COL8A2: variants seen among roughly 807,000 people sequenced by gnomAD.
COL8A2 encodes collagen alpha-2(VIII) chain.
A neutral mutation model predicts 24.0 loss-of-function variants in COL8A2; 16 were observed. The observed-to-expected ratio is 0.67, with a 90% CI of 0.45 to 1.01. COL8A2 has a LOEUF of 1.01. Among genes scored for constraint, COL8A2 ranks in the 50% least tolerant of loss-of-function variants. The pLI is 0.00. For missense variants in COL8A2, 818 were observed against 942.4 expected, an observed-to-expected ratio of 0.87 and a Z score of 1.73; for synonymous variants, 466 against 424.5, an observed-to-expected ratio of 1.10 and a Z score of -1.20.
chr1:36,120,476 A>C (rs6677708), intron 1 of COL8A2, among the ~76,000 whole-genome samples: 95,618 of 151,540 alleles, frequency 0.63, 33,235 homozygotes, highest in Non-Finnish European at 0.79. Flanking sequence ...GAGGACGGGC[A>C]CAATGGCTCA....
intron 2 of COL8A2, 62 bp from the exon 3 acceptor site, chr1:36,100,320 G>C: frequency 7.1e-7 from 1 of 1,408,936 alleles, no homozygotes; most frequent in Non-Finnish European, 9.7e-7. Flanking sequence ...CTAGGCCCGG[G>C]GTCACCAAAA....
Position 36,097,523 on chromosome 1 carries a change from A to G in COL8A2, c.*46T>C, listed in dbSNP as rs756012670. The G allele has an allele frequency of 9.1e-6, 13 of 1,433,646 alleles. No homozygotes were observed. Among genetic ancestry groups the G allele is most frequent in the Admixed American group, 6.0e-5 (3 of 50,350 alleles). The allele number at this position is 1,433,646 out of a possible 1,614,324, so 88.8% of individuals were successfully genotyped here. A position where few individuals can be genotyped will look rare whatever the true frequency, so the allele number is the denominator to read the frequency against. ...TCTTTGTAATTGAAAAGGTCGCTCT[A>G]CCACTAAAGGGGAGGAGGCCAGGGC... On this transcript the variant is annotated 3_prime_UTR_variant, in exon 4 of 4. Coordinates refer to ENST00000397799, the MANE Select transcript of COL8A2 (RefSeq NM_005202.4).
intron 2 of COL8A2, among the ~76,000 whole-genome samples, chr1:36,100,996 C>G (rs1295145043): frequency 7.0e-6 from 1 of 142,520 alleles, no homozygotes; most frequent in Admixed American, 7.8e-5. Context: ...CGGGTTCAAG[C>G]GATTCTCGTG....
Position 36,098,463 on chromosome 1 carries a change from C to T in COL8A2, c.1218G>A (p.Gly406=). Residue 406 remains glycine (G), a synonymous_variant, in exon 4 of 4, where the codon GGG becomes GGA. Coordinates refer to ENST00000397799, the MANE Select transcript of COL8A2 (RefSeq NM_005202.4). ...QGPSGLAGKP[G]VPGERGLPGA... is the part of the protein sequence containing the mutation. ...CAGGAAGTCCCCTCTCACCTGGGAC[C>T]CCTGGTTTCCCAGCCAGGCCACTAG... The T allele has an allele frequency of 1.3e-6, 2 of 1,575,494 alleles. No homozygotes were observed. Among genetic ancestry groups the T allele is most frequent in the Non-Finnish European group, 1.7e-6 (2 of 1,161,060 alleles).
At position 36,099,244 on chromosome 1, in the gene COL8A2, G is replaced by A. The variant is rs1643634830; in HGVS notation, c.437C>T (p.Pro146Leu). Residue 146 changes from proline (P) to leucine (L), a missense_variant, in exon 4 of 4, where the codon CCA (proline) becomes CTA (leucine). By Grantham distance (98) the Pro-to-Leu change is moderately conservative (BLOSUM62 -3). Coordinates refer to ENST00000397799, the MANE Select transcript of COL8A2 (RefSeq NM_005202.4). Reference sequence around the variant, plus strand: ...GAGGCCCTGGTCCCCTCGTATTCCTGGCTCCCCCCGAAGCCCCGGCTGCCC... The same window carrying A: ...GAGGCCCTGGTCCCCTCGTATTCCTAGCTCCCCCCGAAGCCCCGGCTGCCC... The part of the protein sequence containing the change: ...PPGQPGLRGE[P>L]GIRGDQGLRG... 1 of 1,547,644 alleles carries A rather than the reference G, an allele frequency of 6.5e-7. No individual in the cohort carries two copies. Among genetic ancestry groups the A allele is most frequent in the African/African-American group, 1.4e-5 (1 of 72,938 alleles).
Position 36,099,106 on chromosome 1 carries a change from G to A in COL8A2, c.575C>T (p.Pro192Leu), listed in dbSNP as rs745646993. The A allele has an allele frequency of 3.3e-6, 5 of 1,509,296 alleles. No individual in the cohort carries two copies. The highest frequency in any genetic ancestry group is 4.4e-6 in the Non-Finnish European group (5 of 1,130,598). The allele number at this position is 1,509,296 out of a possible 1,614,324, so 93.5% of individuals were successfully genotyped here. The change falls in exon 4 of 4, where the codon CCC (proline) becomes CTC (leucine). Residue 192 changes from proline (P) to leucine (L), a missense_variant. Pro to Leu is a moderately conservative substitution (Grantham distance 98). This residue lies in a region of COL8A2 where 573 missense variants were observed against 616.8 expected (regional missense o/e 0.93). Transcript: ENST00000397799. The part of the protein sequence containing the change: ...GPPGFQGEPG[P>L]QGEPGPPGDR... ...ACCTGGGGGCCCAGGCTCCCCCTGG[G>A]GCCCTGGTTCCCCCTGGAATCCTGG...
At chr1:36,122,669 G>A (rs769549000) in intron 1 of COL8A2, among the ~76,000 whole-genome samples, 51 of 152,002 alleles carry the variant, frequency 3.4e-4, no homozygotes, top group Non-Finnish European at 6.6e-4. Context: ...CATGGCAACC[G>A]CCCACTTCAT....
At position 36,099,499 on chromosome 1, in the gene COL8A2, A is replaced by G; in HGVS notation, c.194-12T>C. The G allele has an allele frequency of 6.6e-7, 1 of 1,525,464 alleles. No homozygotes were observed. The highest frequency in any genetic ancestry group is 8.8e-7 in the Non-Finnish European group (1 of 1,136,658). The allele number at this position is 1,525,464 out of a possible 1,614,324, so 94.5% of individuals were successfully genotyped here. Reference sequence around the variant, plus strand: ...CGGTAGAGGCATTTCTGAGAAAGAAAGAGAAAGGGGCAGTCAGGGGCCTGA... The same window carrying G: ...CGGTAGAGGCATTTCTGAGAAAGAAGGAGAAAGGGGCAGTCAGGGGCCTGA... On this transcript the variant is annotated splice_polypyrimidine_tract_variant and intron_variant, in intron 3 of 3. Coordinates refer to ENST00000397799, the MANE Select transcript of COL8A2 (RefSeq NM_005202.4).
intron 1 of COL8A2, among the ~76,000 whole-genome samples, chr1:36,121,620 A>C (rs1410540002): frequency 1.4e-5 from 2 of 145,724 alleles, no homozygotes; most frequent in Non-Finnish European, 3.0e-5. Flanking sequence ...AGGTAGGAGA[A>C]TCTTTCAACC....
In COL8A2 at chr1:36,095,404, CAA is replaced by C. The variant is rs950738895; in HGVS notation, c.*2163_*2164del. 5 of 151,776 alleles carry C rather than the reference CAA, an allele frequency of 3.3e-5. No homozygotes were observed. Among genetic ancestry groups the C allele is most frequent in the African/African-American group, 1.2e-4 (5 of 41,264 alleles). 9.4% of individuals were successfully genotyped at this position (151,776 alleles called of 1,614,324 possible). ...ATGTAGAGAGCTAAGCTTCCTATAC[CAA>C]GTTAGAAGTGAAATGACTAGTGGAA... On this transcript the variant is annotated 3_prime_UTR_variant, in exon 4 of 4. Coordinates refer to ENST00000397799, the MANE Select transcript of COL8A2 (RefSeq NM_005202.4).
At chr1:36,105,000 G>A (rs1197877709) in intron 2 of COL8A2, among the ~76,000 whole-genome samples, 1 of 151,932 alleles carries the variant, frequency 6.6e-6, no homozygotes, top group Non-Finnish European at 1.5e-5. Context: ...CTCACCCTAC[G>A]CAGGGACCTC....
chr1:36,099,540 G>A, intron 3 of COL8A2, 53 bp from the exon 4 acceptor site: 1 of 1,334,526 alleles, frequency 7.5e-7, no homozygotes. Flanking sequence ...GGGGACAGGG[G>A]ACCCCATCTA....
In COL8A2 at chr1:36,123,778, T is replaced by C. The variant is rs115276377; in HGVS notation, c.-62+1279A>G. 6.6e-6 allele frequency among the ~76,000 whole-genome samples: 1 copy of C among 152,112 alleles called. No homozygotes were observed. The highest frequency in any genetic ancestry group is 2.4e-5 in the African/African-American group (1 of 41,418). ...AAGGCTGTGTGTGGCTGGGTGAGCATGTCTGTGGTTTCTCCTCATTATCAT... is the reference window on the plus strand; with the variant it reads ...AAGGCTGTGTGTGGCTGGGTGAGCACGTCTGTGGTTTCTCCTCATTATCAT... On this transcript the variant is annotated intron_variant, in intron 1 of 3. Transcript: ENST00000397799. This position sits in a 1 kb window ranked among gnomAD's most constrained non-coding sequence, Gnocchi z 4.1.
At chr1:36,124,797 T>C (rs982744023) in intron 1 of COL8A2, among the ~76,000 whole-genome samples, 3 of 152,142 alleles carry the variant, frequency 2.0e-5, no homozygotes, top group African/African-American at 4.8e-5. Context: ...CACTGTCTTA[T>C]GCTGGAGCCC....
chr1:36,112,775 TG>T (rs1643860688), intron 2 of COL8A2, among the ~76,000 whole-genome samples: 2 of 152,232 alleles, frequency 1.3e-5, no homozygotes, highest in Admixed American at 1.3e-4. Context: ...TCTGGATGAC[TG>T]GGACAGCCTA....
intron 2 of COL8A2, among the ~76,000 whole-genome samples, chr1:36,101,535 C>T (rs759487127): frequency 5.3e-5 from 8 of 152,176 alleles, no homozygotes; most frequent in Non-Finnish European, 8.8e-5. Context: ...CTGGAACCAG[C>T]CAGGCAGCCT....
Position 36,095,492 on chromosome 1 carries a change from TGTC to T in COL8A2, c.*2074_*2076del, listed in dbSNP as rs766838717. Reference sequence around the variant, plus strand: ...ATCAATATAAAAATGCACAAGGTAATGTCGTTTTCATAGTTAAAATCTGACATT... The same window carrying T: ...ATCAATATAAAAATGCACAAGGTAATGTTTTCATAGTTAAAATCTGACATT... On this transcript the variant is annotated 3_prime_UTR_variant, in exon 4 of 4. Transcript: ENST00000397799. 5 of 152,280 alleles carry T rather than the reference TGTC, an allele frequency of 3.3e-5. No homozygotes were observed. In the East Asian group the frequency reaches 7.7e-4, roughly 23 times the overall value. 9.4% of individuals were successfully genotyped at this position (152,280 alleles called of 1,614,324 possible).
intron 1 of COL8A2, among the ~76,000 whole-genome samples, chr1:36,121,552 C>G (rs905377913): frequency 6.7e-6 from 1 of 149,340 alleles, no homozygotes; most frequent in Non-Finnish European, 1.5e-5. Context: ...ACTAAAAATA[C>G]AAAAAATTAG....
In COL8A2 at chr1:36,100,887, C is replaced by CTTTTTT. The variant is rs139330748; in HGVS notation, c.-16-635_-16-630dup. On this transcript the variant is annotated intron_variant, in intron 2 of 3. Coordinates refer to ENST00000397799, the MANE Select transcript of COL8A2 (RefSeq NM_005202.4). Reference sequence around the variant, plus strand: ...ATGGCGCTTAGCATAGCATTCAAGGCTTTTTTTTTTTTTTTTTTTTTTTTT... The same window carrying CTTTTTT: ...ATGGCGCTTAGCATAGCATTCAAGGCTTTTTTTTTTTTTTTTTTTTTTTTTTTTTTT... Among the ~76,000 whole-genome samples, 24 of 50,158 alleles carry CTTTTTT rather than the reference C, an allele frequency of 4.8e-4. 5 individuals are homozygous for CTTTTTT. The East Asian group carries it at 0.018, about 37-fold the overall frequency. The allele number at this position is 50,158 out of a possible 152,430, so 32.9% of individuals were successfully genotyped here.
Sources: gnomAD v4.1 joint callset for allele counts (sites outside exome capture counted in the v4.1 genomes callset) on GRCh38, gnomAD v4.1.1 for gene constraint, gnomAD v4.1.1 regional missense constraint, Gnocchi (gnomAD v3.1) non-coding constraint, MANE v1.5 for transcripts, NCBI Gene and HGNC (gene_info 2026-07-23, HGNC 2026-07-21) for gene names.